PDS5B: variants seen among roughly 807,000 people sequenced by gnomAD.
The protein encoded by PDS5B is sister chromatid cohesion protein PDS5 homolog B.
PDS5B carries 51 observed loss-of-function variants against 184.1 expected under a neutral mutation model. The ratio of observed to expected loss-of-function variants is 0.28; its 90% confidence interval spans 0.22 to 0.35. The LOEUF (loss-of-function observed/expected upper bound fraction) is 0.35. Among genes scored for constraint, PDS5B ranks in the 10% least tolerant of loss-of-function variants. The pLI is 1.00. For missense variants in PDS5B, 1,180 were observed against 1,723.3 expected (o/e 0.68, Z 5.58); for synonymous variants, 566 against 569.2 (o/e 0.99, Z 0.08).
chr13:32,715,849 C>T (rs1403733495), intron 19 of PDS5B, among the ~76,000 whole-genome samples: 3 of 152,222 alleles, frequency 2.0e-5, no homozygotes, highest in Non-Finnish European at 2.9e-5. Context: ...TTGGTGGAGA[C>T]GGGGTTTTGC....
At chr13:32,697,587 A>T (rs1319966156) in intron 15 of PDS5B, among the ~76,000 whole-genome samples, 1 of 152,250 alleles carries the variant, frequency 6.6e-6, no homozygotes, top group Non-Finnish European at 1.5e-5. Context: ...GGATTAAGTA[A>T]TGGGAATATT....
In PDS5B at chr13:32,742,705, T is replaced by G; in HGVS notation, c.2590T>G (p.Leu864Val). The G allele has an allele frequency of 6.2e-7, 1 of 1,612,154 alleles. No homozygotes were observed. Among genetic ancestry groups the G allele is most frequent in the Non-Finnish European group, 8.5e-7 (1 of 1,178,726 alleles). The part of the protein sequence containing the change: ...LTTILHSDGD[L>V]TEQGKISKPD... ...AACAATATTGCATAGTGATGGAGACTTGACAGAACAGGGGAAAATTAGGTA... is the reference window on the plus strand; with the variant it reads ...AACAATATTGCATAGTGATGGAGACGTGACAGAACAGGGGAAAATTAGGTA... Residue 864 changes from leucine to valine, a missense_variant, in exon 23 of 35, where the codon TTG becomes GTG. Leu to Val is a conservative substitution (Grantham distance 32, BLOSUM62 1). Around this residue, in one of 11 missense-constraint regions of PDS5B, gnomAD observed 475 missense variants for 691.5 expected, o/e 0.69. Coordinates refer to ENST00000315596, the MANE Select transcript of PDS5B (RefSeq NM_015032.4).
intron 1 of PDS5B, among the ~76,000 whole-genome samples, chr13:32,599,325 G>A (rs1403493819): frequency 2.6e-5 from 4 of 151,470 alleles, no homozygotes; most frequent in South Asian, 2.1e-4. Flanking sequence ...GTGCAGTGGC[G>A]TGATCTCAGC....
intron 19 of PDS5B, among the ~76,000 whole-genome samples, 168 bp downstream of exon 19, chr13:32,710,274 G>T (rs1474257949): frequency 6.6e-6 from 1 of 152,104 alleles, no homozygotes; most frequent in Non-Finnish European, 1.5e-5. Context: ...AGCTTTGATT[G>T]GTATTTTAGA....
intron 16 of PDS5B, 121 bp downstream of exon 16, chr13:32,699,990 A>T (rs1951821103): frequency 1.1e-6 from 1 of 897,060 alleles, no homozygotes. Context: ...ATAAAAATGC[A>T]GATAAACTAT....
chr13:32,742,864 A>T, intron 23 of PDS5B, 137 bp downstream of exon 23: 1 of 770,570 alleles, frequency 1.3e-6, no homozygotes, highest in East Asian at 2.7e-5. Context: ...TTTTTACTGG[A>T]ATATGCTTTT....
At chr13:32,687,871 A>G (rs2140826344) in intron 12 of PDS5B, among the ~76,000 whole-genome samples, 1 of 152,304 alleles carries the variant, frequency 6.6e-6, no homozygotes, top group South Asian at 2.1e-4. Flanking sequence ...GCAGATCAGA[A>G]TGAGAAAATT....
chr13:32,711,489 C>A (rs1254713115), intron 19 of PDS5B, among the ~76,000 whole-genome samples: 3 of 152,104 alleles, frequency 2.0e-5, no homozygotes, highest in African/African-American at 7.2e-5. Flanking sequence ...TCCTGAGTAG[C>A]TGGAATTACA....
At chr13:32,668,865 A>G (rs569408981) in intron 7 of PDS5B, among the ~76,000 whole-genome samples, 3 of 152,342 alleles carry the variant, frequency 2.0e-5, no homozygotes, top group African/African-American at 7.2e-5. Context: ...CAGTAACTTA[A>G]TAAATTCCAG....
At chr13:32,630,357 G>T (rs2058435684) in intron 1 of PDS5B, among the ~76,000 whole-genome samples, 1 of 152,124 alleles carries the variant, frequency 6.6e-6, no homozygotes, top group African/African-American at 2.4e-5. Flanking sequence ...GCAATGTCTG[G>T]AGACATTTTT....
chr13:32,760,024 C>T (rs1257977793), intron 29 of PDS5B, among the ~76,000 whole-genome samples: 1 of 151,952 alleles, frequency 6.6e-6, no homozygotes, highest in African/African-American at 2.4e-5. Flanking sequence ...TGGCGCATCT[C>T]GGCTCACTGC....
chr13:32,732,198 G>A lies in PDS5B; in HGVS notation c.2221G>A (p.Glu741Lys). The change falls in exon 20 of 35, where the codon GAG becomes AAG. Residue 741 changes from glutamate to lysine, a missense_variant. Physicochemically the swap from Glu to Lys is moderately conservative, Grantham distance 56 (BLOSUM62 1). Coordinates refer to ENST00000315596, the MANE Select transcript of PDS5B (RefSeq NM_015032.4). The part of the protein sequence containing the change: ...HCIHAIFSSK[E>K]TQFAQIFEPL... ...TATCCATGCGATATTTTCTAGTAAA[G>A]AGACCCAGTTTGCACAGATATTTGA... 1 of 1,609,308 alleles carries A rather than the reference G, an allele frequency of 6.2e-7. No homozygotes were observed. The highest frequency in any genetic ancestry group is 1.3e-5 in the African/African-American group (1 of 74,822).
chr13:32,640,850 C>G (rs369518604), intron 1 of PDS5B, among the ~76,000 whole-genome samples: 57 of 151,324 alleles, frequency 3.8e-4, no homozygotes, highest in African/African-American at 1.2e-3. Flanking sequence ...GTCAGGAGAT[C>G]GAGACCATCC....
chr13:32,616,163 C>T (rs2058216176), intron 1 of PDS5B, among the ~76,000 whole-genome samples: 1 of 151,944 alleles, frequency 6.6e-6, no homozygotes, highest in African/African-American at 2.4e-5. Flanking sequence ...AAGCGATTCT[C>T]CTGCCCCAGC....
At chr13:32,743,413 T>G (rs1953631851) in intron 23 of PDS5B, among the ~76,000 whole-genome samples, 1 of 152,180 alleles carries the variant, frequency 6.6e-6, no homozygotes, top group Non-Finnish European at 1.5e-5. Context: ...TTTAAAACAC[T>G]ACTTAGCACA....
chr13:32,590,494 C>T (rs568895556), intron 1 of PDS5B, among the ~76,000 whole-genome samples: 4 of 152,238 alleles, frequency 2.6e-5, no homozygotes, highest in Non-Finnish European at 5.9e-5. Flanking sequence ...GCCCTCCTTC[C>T]TTTTCAGTGG....
intron 1 of PDS5B, among the ~76,000 whole-genome samples, chr13:32,616,467 A>G (rs764243787): frequency 5.3e-5 from 8 of 152,376 alleles, no homozygotes; most frequent in African/African-American, 1.7e-4. Flanking sequence ...GAGCCAGCAC[A>G]TAAAATGCTT....
chr13:32,768,558 C>T (rs1954659331), intron 31 of PDS5B, among the ~76,000 whole-genome samples: 2 of 151,858 alleles, frequency 1.3e-5, no homozygotes, highest in Non-Finnish European at 2.9e-5. Context: ...TTTGGGAGGC[C>T]GAGGCAGGCG....
At chr13:32,609,158 T>G (rs1206110316) in intron 1 of PDS5B, among the ~76,000 whole-genome samples, 1 of 152,240 alleles carries the variant, frequency 6.6e-6, no homozygotes, top group African/African-American at 2.4e-5. Context: ...GCAACTATCC[T>G]TAGTTCAAAT....
Sources: allele counts gnomAD v4.1 joint callset (sites outside exome capture counted in the v4.1 genomes callset), GRCh38; gene constraint gnomAD v4.1.1; regional missense constraint gnomAD v4.1.1; transcripts MANE v1.5; gene names NCBI Gene and HGNC (gene_info 2026-07-23, HGNC 2026-07-21).